The following USP9Y variants were observed in gnomAD, a reference collection of about 807,000 sequenced individuals.
USP9Y encodes the protein ubiquitin specific peptidase 9 Y-linked.
In USP9Y, 41 loss-of-function variants were observed where a neutral mutation model predicts 53.1. That is an observed-to-expected ratio of 0.77 (90% CI 0.60 to 1.00). USP9Y has a LOEUF of 1.00. USP9Y is among the 50% of genes least tolerant of loss of function. USP9Y has a pLI of 0.00. For missense variants in USP9Y, 567 were observed against 535.8 expected, an observed-to-expected ratio of 1.06 and a Z score of -0.58; for synonymous variants, 220 against 173.7, an observed-to-expected ratio of 1.27 and a Z score of -2.09.
intron 3 of USP9Y, among the ~76,000 whole-genome samples, chrY:12,719,196 T>C: frequency 2.9e-5 from 1 of 34,092 alleles, no homozygotes; most frequent in Non-Finnish European, 7.3e-5. Flanking sequence ...TTGGTATTTG[T>C]AAGGAAGACA....
At chrY:12,704,225 A>AT (rs2053418188) in intron 1 of USP9Y, among the ~76,000 whole-genome samples, 2 of 32,964 alleles carry the variant, frequency 6.1e-5, no homozygotes, top group African/African-American at 1.2e-4. Flanking sequence ...TTAGTTAAAT[A>AT]TTTTTTTCTA....
chrY:12,765,072 C>T (rs2053479051), intron 15 of USP9Y, among the ~76,000 whole-genome samples: 2 of 33,225 alleles, frequency 6.0e-5, no homozygotes, highest in African/African-American at 2.4e-4. Context: ...TAATGATAAC[C>T]AAAACAGCTG....
chrY:12,858,690 T>A, intron 45 of USP9Y, among the ~76,000 whole-genome samples: 1 of 33,066 alleles, frequency 3.0e-5, no homozygotes, highest in Non-Finnish European at 7.4e-5. Flanking sequence ...GGAAAACCTT[T>A]CTGCTTAGCA....
chrY:12,707,266 C>T, intron 1 of USP9Y, among the ~76,000 whole-genome samples: 1 of 33,230 alleles, frequency 3.0e-5, no homozygotes, highest in Non-Finnish European at 7.4e-5. Context: ...TACAGCCATG[C>T]GCCACCATGC....
chrY:12,806,589 C>T (rs2148288520), intron 27 of USP9Y, among the ~76,000 whole-genome samples: 2 of 34,044 alleles, frequency 5.9e-5, no homozygotes, highest in East Asian at 7.7e-4. Flanking sequence ...GGGGTAGTAA[C>T]GCATTCCGTT....
chrY:12,834,943 A>G, intron 34 of USP9Y, among the ~76,000 whole-genome samples: 1 of 33,809 alleles, frequency 3.0e-5, no homozygotes, highest in South Asian at 6.4e-4. Flanking sequence ...AGATTTGACA[A>G]GACAGGAAAC....
In USP9Y at chrY:12,786,243, C is replaced by T; in HGVS notation, c.3192C>T (p.Asp1064=). Reference sequence around the variant, plus strand: ...AAAAATTACGAGCTGTTTGTTTGGACCATGCAAAACTTGGAGAAGGCAAAC... The same window carrying T: ...AAAAATTACGAGCTGTTTGTTTGGATCATGCAAAACTTGGAGAAGGCAAAC... ...AVEKLRAVCL[D]HAKLGEGKLS... The change falls in exon 23 of 46, where the codon GAC becomes GAT. Residue 1064 remains aspartate (D), a synonymous_variant. Transcript: ENST00000338981. 2.5e-6 allele frequency: 1 copy of T among 398,403 alleles called. No individual in the cohort carries two copies. Among genetic ancestry groups the T allele is most frequent in the Middle Eastern group, 5.9e-4 (1 of 1,702 alleles).
chrY:12,812,920 G>A lies in USP9Y; in HGVS notation c.4477G>A (p.Val1493Ile). 1 of 398,361 alleles carries A rather than the reference G, an allele frequency of 2.5e-6. No individual in the cohort carries two copies. Among genetic ancestry groups the A allele is most frequent in the Non-Finnish European group, 3.5e-6 (1 of 283,092 alleles). The change falls in exon 31 of 46, where the codon GTC (valine) becomes ATC (isoleucine). Residue 1493 changes from valine (V) to isoleucine (I), a missense_variant. Physicochemically the swap from Val to Ile is conservative, Grantham distance 29. Coordinates refer to ENST00000338981, the MANE Select transcript of USP9Y (RefSeq NM_004654.4). ...GELPAEQAIPVCSSPVTINAG... is the reference protein window; with the variant it reads ...GELPAEQAIPICSSPVTINAG... ...ACTACCAGCTGAGCAGGCTATTCCA[G>A]TCTGTAGTTCACCCGTTACCATCAA...
intron 27 of USP9Y, among the ~76,000 whole-genome samples, chrY:12,794,615 T>G (rs2053511310): frequency 3.0e-5 from 1 of 33,847 alleles, no homozygotes; most frequent in African/African-American, 1.2e-4. Flanking sequence ...TTATAGTTCT[T>G]AATTTTAGAT....
chrY:12,716,761 G>A (rs2053431130), intron 3 of USP9Y, among the ~76,000 whole-genome samples: 3 of 32,330 alleles, frequency 9.3e-5, no homozygotes, highest in African/African-American at 2.4e-4. Flanking sequence ...ATGCCACCAC[G>A]CCCGGCTAAT....
intron 12 of USP9Y, among the ~76,000 whole-genome samples, chrY:12,750,110 T>G: frequency 3.0e-5 from 1 of 33,290 alleles, no homozygotes; most frequent in Non-Finnish European, 7.4e-5. Context: ...AGTTTTCAGT[T>G]CAACTGTGCT....
In USP9Y at chrY:12,856,486, A is replaced by G; in HGVS notation, c.7211A>G (p.Gln2404Arg). The G allele has an allele frequency of 2.5e-6, 1 of 398,748 alleles. No individual in the cohort carries two copies. The highest frequency in any genetic ancestry group is 3.5e-6 in the Non-Finnish European group (1 of 283,254). Residue 2404 changes from glutamine to arginine, a missense_variant, in exon 43 of 46, where the codon CAG (glutamine) becomes CGG (arginine). Coordinates refer to ENST00000338981, the MANE Select transcript of USP9Y (RefSeq NM_004654.4). The stretch of plus-strand genomic sequence containing the variant: ...TTTAGCAGTTGTCCTGTTGCTTACC[A>G]GATCTTACAGGTGAGGGTTTTTCTC... ...ALFSSCPVAYQILQGNGDLKR... is the reference protein window; with the variant it reads ...ALFSSCPVAYRILQGNGDLKR...
chrY:12,775,739 T>G, intron 18 of USP9Y, among the ~76,000 whole-genome samples, 173 bp downstream of exon 18: 1 of 34,225 alleles, frequency 2.9e-5, no homozygotes, highest in Non-Finnish European at 7.3e-5. Context: ...AAATGTTTCT[T>G]TGATAATTAT....
chrY:12,731,183 G>C, intron 7 of USP9Y, among the ~76,000 whole-genome samples: 1 of 32,818 alleles, frequency 3.0e-5, no homozygotes, highest in Non-Finnish European at 7.5e-5. Flanking sequence ...ACATTGAAGG[G>C]AGTTGCACAA....
intron 27 of USP9Y, among the ~76,000 whole-genome samples, chrY:12,796,271 T>C: frequency 6.1e-5 from 2 of 32,743 alleles, no homozygotes; most frequent in African/African-American, 2.4e-4. Flanking sequence ...ATTAAGAAAG[T>C]AGAGGAATAG....
chrY:12,785,121 A>G, intron 22 of USP9Y, among the ~76,000 whole-genome samples: 2 of 33,020 alleles, frequency 6.1e-5, no homozygotes, highest in East Asian at 1.6e-3. Flanking sequence ...TTTTCTTCTT[A>G]CAAAGCTGAA....
intron 7 of USP9Y, among the ~76,000 whole-genome samples, chrY:12,733,169 G>A: frequency 3.3e-5 from 1 of 30,693 alleles, no homozygotes; most frequent in Non-Finnish European, 7.9e-5. Context: ...TCCGCCCGCC[G>A]CGGCCTCCCA....
At position 12,778,086 on chromosome Y, in the gene USP9Y, T is replaced by C; in HGVS notation, c.2707T>C (p.Leu903=). 1 of 397,380 alleles carries C rather than the reference T, an allele frequency of 2.5e-6. No homozygotes were observed. The highest frequency in any genetic ancestry group is 3.0e-5 in the South Asian group (1 of 33,685). ...FPNQGRQVDE[L]DIWSHTNDTI... ...AAACCAGGGCAGACAGGTTGATGAG[T>C]TGGATATATGGTCTCATACGAATGA... Residue 903 remains leucine (L), a synonymous_variant, in exon 20 of 46, where the codon TTG becomes CTG. Transcript: ENST00000338981.
rs2053436683 is a variant in USP9Y, at chrY:12,722,383, CAT to C, written c.325+208_325+209del. The stretch of plus-strand genomic sequence containing the variant: ...TACTTATTACACACACACACACACA[CAT>C]ATATATATATACACACACACAGACA... On this transcript the variant is annotated intron_variant, in intron 5 of 45. Coordinates refer to ENST00000338981, the MANE Select transcript of USP9Y (RefSeq NM_004654.4). Among the ~76,000 whole-genome samples, 24 of 30,807 alleles carry C rather than the reference CAT, an allele frequency of 7.8e-4. No individual in the cohort carries two copies. In the East Asian group the frequency reaches 0.011, roughly 15 times the overall value. The allele number at this position is 30,807 out of a possible 37,273, so 82.7% of individuals were successfully genotyped here. A position where few individuals can be genotyped will look rare whatever the true frequency, so the allele number is the denominator to read the frequency against.
Sources: gnomAD v4.1 joint callset for allele counts (sites outside exome capture counted in the v4.1 genomes callset) on GRCh38, gnomAD v4.1.1 for gene constraint, MANE v1.5 for transcripts, NCBI Gene and HGNC (gene_info 2026-07-23, HGNC 2026-07-21) for gene names.